GALNT10: variants seen among roughly 807,000 people sequenced by gnomAD.
GALNT10 encodes polypeptide N-acetylgalactosaminyltransferase 10, also known as GalNAc transferase 10.
A neutral mutation model predicts 75.0 loss-of-function variants in GALNT10; 41 were observed. That is an observed-to-expected ratio of 0.55 (90% CI 0.43 to 0.71). The LOEUF is 0.71. GALNT10 is among the 30% of genes least tolerant of loss of function. The pLI is 0.00. For synonymous variants in GALNT10, 302 were observed against 313.0 expected (o/e 0.96, Z 0.37); for missense variants, 727 against 818.5 (o/e 0.89, Z 1.36).
At chr5:154,288,019 G>C (rs1754138900) in intron 1 of GALNT10, among the ~76,000 whole-genome samples, 1 of 151,558 alleles carries the variant, frequency 6.6e-6, no homozygotes, top group Non-Finnish European at 1.5e-5. Context: ...TGTTTGAAAT[G>C]ATATAGTTAT....
intron 4 of GALNT10, among the ~76,000 whole-genome samples, chr5:154,334,512 G>A (rs1754913081): frequency 6.6e-6 from 1 of 152,206 alleles, no homozygotes; most frequent in Admixed American, 6.5e-5. Flanking sequence ...AACAAGAGAG[G>A]TCTTGTTAAT....
Position 154,376,561 on chromosome 5 carries a change from C to A in GALNT10, c.754+99C>A, listed in dbSNP as rs575488973. 29 of 806,218 alleles carry A rather than the reference C, an allele frequency of 3.6e-5. No homozygotes were observed. Among genetic ancestry groups the A allele is most frequent in the Non-Finnish European group, 5.6e-5 (29 of 516,356 alleles). 49.9% of individuals were successfully genotyped at this position (806,218 alleles called of 1,614,324 possible). ...GGAGCCATCCATAAGCCTTCCCTTG[C>A]CTGTTCGAGATGCCCCCAGCACAAT... is the stretch of plus-strand genomic sequence containing the variant. On this transcript the variant is annotated intron_variant, in intron 5 of 11. Coordinates refer to ENST00000297107, the MANE Select transcript of GALNT10 (RefSeq NM_198321.4). The surrounding 1 kb of genome is among the most constrained non-coding windows in gnomAD (Gnocchi z 4.1).
intron 1 of GALNT10, among the ~76,000 whole-genome samples, chr5:154,218,453 T>A (rs1752918360): frequency 1.3e-5 from 2 of 152,302 alleles, no homozygotes; most frequent in South Asian, 4.1e-4. Context: ...TGGGCCTTGG[T>A]TTCCTCTTCT....
chr5:154,319,268 A>G (rs143763981), intron 3 of GALNT10, among the ~76,000 whole-genome samples: 2 of 152,224 alleles, frequency 1.3e-5, no homozygotes, highest in Non-Finnish European at 2.9e-5. Flanking sequence ...ACAAATGCAC[A>G]TGTGCAGAGG....
rs1756426430 is a variant in GALNT10, at chr5:154,412,809, T to C, written c.1387-80T>C. The C allele has an allele frequency of 3.2e-6, 3 of 936,212 alleles. No individual in the cohort carries two copies. The African/African-American group carries it at 4.8e-5, about 15-fold the overall frequency. The allele number at this position is 936,212 out of a possible 1,614,324, so 58.0% of individuals were successfully genotyped here. ...AATCCAGCTAATGTCTCCCACTTGG[T>C]TTCCCCTTTCACCTGGCAGGGACCC... On this transcript the variant is annotated intron_variant, in intron 9 of 11. Transcript: ENST00000297107. This position sits in a 1 kb window ranked among gnomAD's most constrained non-coding sequence, Gnocchi z 4.2.
At chr5:154,359,162 T>A (rs773607530) in intron 4 of GALNT10, among the ~76,000 whole-genome samples, 1 of 152,162 alleles carries the variant, frequency 6.6e-6, no homozygotes, top group Non-Finnish European at 1.5e-5. Context: ...TGTCTCCTCC[T>A]TCATGTACCA....
intron 4 of GALNT10, among the ~76,000 whole-genome samples, chr5:154,360,824 A>G (rs1755374651): frequency 6.6e-6 from 1 of 152,204 alleles, no homozygotes; most frequent in Non-Finnish European, 1.5e-5. Context: ...TGGAGAAAAG[A>G]AAGTGGTTGA....
chr5:154,252,739 C>T (rs970561634), intron 1 of GALNT10, among the ~76,000 whole-genome samples: 2 of 151,844 alleles, frequency 1.3e-5, no homozygotes, highest in African/African-American at 4.8e-5. Context: ...CTTCTTTTCC[C>T]TTAAATTTCA....
At chr5:154,371,563 T>TACACACAC in intron 4 of GALNT10, among the ~76,000 whole-genome samples, 1 of 51,022 alleles carries the variant, frequency 2.0e-5, no homozygotes, top group Admixed American at 1.7e-4. Context: ...TGTGTGTGTG[T>TACACACAC]ACACACACAC....
In GALNT10 at chr5:154,412,781, G is replaced by GT. The variant is rs1183713277; in HGVS notation, c.1387-106dup. 3.1e-5 allele frequency: 25 copies of GT among 801,698 alleles called. No homozygotes were observed. The highest frequency in any genetic ancestry group is 3.5e-5 in the Non-Finnish European group (16 of 452,300). The allele number at this position is 801,698 out of a possible 1,614,324, so 49.7% of individuals were successfully genotyped here. On this transcript the variant is annotated intron_variant, in intron 9 of 11. Transcript: ENST00000297107. This position sits in a 1 kb window ranked among gnomAD's most constrained non-coding sequence, Gnocchi z 4.2. ...CAAGCTTTATCAAGACGATTTGAAG[G>GT]TTAATCCAGCTAATGTCTCCCACTT...
intron 1 of GALNT10, among the ~76,000 whole-genome samples, chr5:154,266,345 A>T (rs1185359361): frequency 6.6e-6 from 1 of 152,120 alleles, no homozygotes; most frequent in Non-Finnish European, 1.5e-5. Flanking sequence ...GAACTACAAA[A>T]TTCTTAACAG....
chr5:154,409,800 G>A lies in GALNT10; in HGVS notation c.1386+38G>A, dbSNP rs771091008. The A allele has an allele frequency of 3.7e-6, 5 of 1,367,444 alleles. No individual in the cohort carries two copies. Among genetic ancestry groups the A allele is most frequent in the Non-Finnish European group, 5.2e-6 (5 of 956,372 alleles). 84.7% of individuals were successfully genotyped at this position (1,367,444 alleles called of 1,614,324 possible). On this transcript the variant is annotated intron_variant, in intron 9 of 11. Transcript: ENST00000297107. This position sits in a 1 kb window ranked among gnomAD's most constrained non-coding sequence, Gnocchi z 4.5. ...GGCAGGGCTGGCTCCATAATTTAAT[G>A]GGTGTGCAAAATGCAAATGCAGATC...
chr5:154,311,350 G>T (rs1481092616), intron 3 of GALNT10, among the ~76,000 whole-genome samples: 1 of 152,136 alleles, frequency 6.6e-6, no homozygotes, highest in East Asian at 1.9e-4. Context: ...ACTCAACATT[G>T]TCTTCTGGTT....
At chr5:154,377,421 A>G (rs538392770) in intron 5 of GALNT10, among the ~76,000 whole-genome samples, 29 of 152,308 alleles carry the variant, frequency 1.9e-4, no homozygotes, top group African/African-American at 7.0e-4. Context: ...AGCAAAGAGA[A>G]CTGAAGTTTA....
intron 1 of GALNT10, among the ~76,000 whole-genome samples, chr5:154,241,381 C>A (rs60044600): frequency 0.01 from 1,597 of 152,246 alleles, 25 homozygotes; most frequent in African/African-American, 0.037. Flanking sequence ...AGAAAGTTCA[C>A]GAAATGCAGA....
intron 7 of GALNT10, among the ~76,000 whole-genome samples, chr5:154,399,520 C>T (rs146813112): frequency 5.9e-5 from 9 of 152,304 alleles, no homozygotes; most frequent in Middle Eastern, 3.4e-3. Flanking sequence ...GCCTTCTGCC[C>T]GAGAAACAAG....
chr5:154,232,802 CTTG>C (rs111403147), intron 1 of GALNT10, among the ~76,000 whole-genome samples: 38 of 152,282 alleles, frequency 2.5e-4, no homozygotes, highest in African/African-American at 9.1e-4. Context: ...GTAGCTACAA[CTTG>C]TTTTCATGCA....
At chr5:154,215,258 G>A (rs144014416) in intron 1 of GALNT10, among the ~76,000 whole-genome samples, 17,563 of 151,964 alleles carry the variant, frequency 0.12, 1,171 homozygotes, top group Non-Finnish European at 0.15. Flanking sequence ...TGAGGCGGGC[G>A]GATCACGAAG....
At chr5:154,197,499 C>T (rs1260144754) in intron 1 of GALNT10, among the ~76,000 whole-genome samples, 5 of 152,114 alleles carry the variant, frequency 3.3e-5, no homozygotes, top group Non-Finnish European at 7.4e-5. Flanking sequence ...TCTTCTCTCC[C>T]TCTTATCTTT....
Sources: allele counts gnomAD v4.1 joint callset (sites outside exome capture counted in the v4.1 genomes callset), GRCh38; gene constraint gnomAD v4.1.1; non-coding constraint Gnocchi (gnomAD v3.1); transcripts MANE v1.5; gene names NCBI Gene and HGNC (gene_info 2026-07-23, HGNC 2026-07-21).